Variants in ENTPD7 observed in about 807,000 individuals in gnomAD.
ENTPD7 encodes NTPDase 7.
Under a neutral mutation model 77.9 loss-of-function variants are expected in ENTPD7, and 53 were observed. The observed-to-expected ratio is 0.68, with a 90% CI of 0.55 to 0.85. The LOEUF (loss-of-function observed/expected upper bound fraction) is 0.85. Among genes scored for constraint, ENTPD7 ranks in the 40% least tolerant of loss-of-function variants. The pLI, the probability that ENTPD7 is intolerant of heterozygous loss-of-function variation, is 0.00. For synonymous variants in ENTPD7, 248 were observed against 274.9 expected (o/e 0.90, Z 0.97); for missense variants, 636 against 743.7 (o/e 0.86, Z 1.68).
At chr10:99,677,601 G>T (rs1282163589) in intron 3 of ENTPD7, among the ~76,000 whole-genome samples, 1 of 152,118 alleles carries the variant, frequency 6.6e-6, no homozygotes, top group Non-Finnish European at 1.5e-5. Context: ...CTGATCTCAG[G>T]TGATCTGCCC....
Position 99,708,942 on chromosome 10 carries a change from C to T in ENTPD7, c.*4259C>T. 1.0e-6 allele frequency: 1 copy of T among 985,446 alleles called. No homozygotes were observed. Among genetic ancestry groups the T allele is most frequent in the Non-Finnish European group, 1.2e-6 (1 of 829,924 alleles). The allele number at this position is 985,446 out of a possible 1,614,324, so 61.0% of individuals were successfully genotyped here. Reference sequence around the variant, plus strand: ...AACTAACCATGCCCCATCTTTACAACTGCTTCTGACATTCATTTATGACTG... The same window carrying T: ...AACTAACCATGCCCCATCTTTACAATTGCTTCTGACATTCATTTATGACTG... On this transcript the variant is annotated 3_prime_UTR_variant, in exon 13 of 13. Transcript: ENST00000370489.
At chr10:99,700,577 A>G (rs372143668) in intron 10 of ENTPD7, among the ~76,000 whole-genome samples, 151 of 152,282 alleles carry the variant, frequency 9.9e-4, no homozygotes, top group African/African-American at 3.1e-3. Flanking sequence ...ACCAAAAGGA[A>G]TGATTATTTT....
intron 6 of ENTPD7, among the ~76,000 whole-genome samples, chr10:99,687,327 C>T (rs1210170414): frequency 4.0e-4 from 45 of 112,058 alleles, no homozygotes; most frequent in South Asian, 3.3e-4. Context: ...AGTGCAGTGT[C>T]GTGGTCTCGG....
At chr10:99,665,080 G>A (rs758791685) in intron 3 of ENTPD7, among the ~76,000 whole-genome samples, 1 of 151,904 alleles carries the variant, frequency 6.6e-6, no homozygotes, top group Non-Finnish European at 1.5e-5. Context: ...GTGAAACTCT[G>A]TCTCTACAAA....
chr10:99,703,013 G>C (rs953197055), intron 12 of ENTPD7, among the ~76,000 whole-genome samples: 1 of 152,098 alleles, frequency 6.6e-6, no homozygotes. Flanking sequence ...TGTCATTCTT[G>C]GGTTACCCTG....
chr10:99,687,336 G>A (rs1169932547), intron 6 of ENTPD7, among the ~76,000 whole-genome samples: 1 of 121,272 alleles, frequency 8.2e-6, no homozygotes, highest in African/African-American at 3.3e-5. Context: ...TCGTGGTCTC[G>A]GCCCACTGCA....
At chr10:99,665,586 G>C (rs1183291153) in intron 3 of ENTPD7, among the ~76,000 whole-genome samples, 2 of 152,148 alleles carry the variant, frequency 1.3e-5, no homozygotes, top group Non-Finnish European at 2.9e-5. Context: ...ATAGGCATCA[G>C]ACACCAGATA....
At chr10:99,675,648 G>A (rs894104556) in intron 3 of ENTPD7, among the ~76,000 whole-genome samples, 7 of 147,480 alleles carry the variant, frequency 4.7e-5, no homozygotes, top group Non-Finnish European at 1.0e-4. Flanking sequence ...CCAGGCTGGA[G>A]TGCAGTGGTG....
chr10:99,695,393 G>A (rs2035954191), intron 8 of ENTPD7, among the ~76,000 whole-genome samples: 1 of 152,092 alleles, frequency 6.6e-6, no homozygotes. Flanking sequence ...ATGGTGGCAC[G>A]TGCCTGTAGT....
chr10:99,685,055 C>T (rs1207418388), intron 5 of ENTPD7, among the ~76,000 whole-genome samples: 1 of 152,044 alleles, frequency 6.6e-6, no homozygotes, highest in Non-Finnish European at 1.5e-5. Flanking sequence ...GTCAGGAGTT[C>T]GAGACCAGCC....
rs752903754 is a variant in ENTPD7 at position 99,660,524 on chromosome 10, A to ACG, written c.8+562_8+563dup. On this transcript the variant is annotated intron_variant, in intron 2 of 12. Coordinates refer to ENST00000370489, the MANE Select transcript of ENTPD7 (RefSeq NM_020354.5). ...TTTGTGTAAAACCGAGGGAATGGAT[A>ACG]CGCACACACACACACACACACACAC... 1.6e-4 allele frequency: 47 copies of ACG among 303,136 alleles called. 1 individual carries two copies. Among genetic ancestry groups the ACG allele is most frequent in the Non-Finnish European group, 2.6e-4 (42 of 158,690 alleles). 18.8% of individuals were successfully genotyped at this position (303,136 alleles called of 1,614,324 possible).
chr10:99,700,042 C>G (rs1272359063), intron 10 of ENTPD7, among the ~76,000 whole-genome samples: 2 of 152,120 alleles, frequency 1.3e-5, no homozygotes, highest in Non-Finnish European at 2.9e-5. Flanking sequence ...TGTGGGACAC[C>G]TGGTTTGTAT....
In ENTPD7 at chr10:99,701,059, G is replaced by GT. The variant is rs749328719; in HGVS notation, c.1421+2dup. The GT allele has an allele frequency of 3.7e-6, 6 of 1,612,926 alleles. No individual in the cohort carries two copies. The Admixed American group carries it at 1.0e-4, about 27-fold the overall frequency. On this transcript the variant is annotated splice_donor_variant, in intron 11 of 12. Coordinates refer to ENST00000370489, the MANE Select transcript of ENTPD7 (RefSeq NM_020354.5). LOFTEE classifies it high-confidence loss of function. The stretch of plus-strand genomic sequence containing the variant: ...CACATGCAGATGAGCATCGACTCAA[G>GT]TAAGTTACTTCCCTTTCCTCCTTAG...
intron 3 of ENTPD7, among the ~76,000 whole-genome samples, chr10:99,675,435 TGGA>T (rs1418897903): frequency 2.0e-5 from 3 of 151,908 alleles, no homozygotes; most frequent in African/African-American, 7.3e-5. Context: ...AAATCATGCT[TGGA>T]TAACAGCCAT....
intron 2 of ENTPD7, among the ~76,000 whole-genome samples, chr10:99,661,041 A>G (rs1464073234): frequency 1.3e-5 from 2 of 152,190 alleles, no homozygotes; most frequent in African/African-American, 2.4e-5. Flanking sequence ...TTTGTCTTTT[A>G]CTATGTGCTT....
chr10:99,673,451 C>A (rs1473378950), intron 3 of ENTPD7, among the ~76,000 whole-genome samples: 1 of 152,158 alleles, frequency 6.6e-6, no homozygotes, highest in Non-Finnish European at 1.5e-5. Context: ...CATAAGAGGT[C>A]AGAGTTCCAG....
In ENTPD7 at chr10:99,679,469, A is replaced by G; in HGVS notation, c.397+3A>G. 6.2e-7 allele frequency: 1 copy of G among 1,608,794 alleles called. No individual in the cohort carries two copies. The highest frequency in any genetic ancestry group is 8.5e-7 in the Non-Finnish European group (1 of 1,178,224). On this transcript the variant is annotated splice_donor_region_variant and intron_variant, in intron 4 of 12. Coordinates refer to ENST00000370489, the MANE Select transcript of ENTPD7 (RefSeq NM_020354.5). The stretch of plus-strand genomic sequence containing the variant: ...AGTGGTTAAAAAAATCAAGCCAGGT[A>G]CTAATCAGAATATATTTTGTTGTCA...
intron 8 of ENTPD7, among the ~76,000 whole-genome samples, chr10:99,694,654 A>G (rs2035942230): frequency 6.6e-6 from 1 of 150,766 alleles, no homozygotes; most frequent in East Asian, 1.9e-4. Flanking sequence ...CTCCTGCCTC[A>G]GCCTCCTGAG....
At chr10:99,695,562 T>A (rs1012421038) in intron 8 of ENTPD7, among the ~76,000 whole-genome samples, 4 of 151,514 alleles carry the variant, frequency 2.6e-5, no homozygotes, top group Non-Finnish European at 5.9e-5. Context: ...ACAGAATAGA[T>A]CTTATGATGA....
Sources: gnomAD v4.1 joint callset for allele counts (sites outside exome capture counted in the v4.1 genomes callset) on GRCh38, gnomAD v4.1.1 for gene constraint, MANE v1.5 for transcripts, NCBI Gene and HGNC (gene_info 2026-07-23, HGNC 2026-07-21) for gene names.